ADAMTS3: variants seen among roughly 807,000 people sequenced by gnomAD.
ADAMTS3 encodes the protein A disintegrin and metalloproteinase with thrombospondin motifs 3.
In ADAMTS3, 73 loss-of-function variants were observed where a neutral mutation model predicts 129.0. The observed-to-expected ratio is 0.57, with a 90% CI of 0.47 to 0.69. The LOEUF (loss-of-function observed/expected upper bound fraction) is 0.69. Among genes scored for constraint, ADAMTS3 ranks in the 30% least tolerant of loss-of-function variants. ADAMTS3 has a pLI of 0.00. For missense variants in ADAMTS3, 1,457 were observed against 1,514.5 expected (o/e 0.96, Z 0.63); for synonymous variants, 477 against 510.8 (o/e 0.93, Z 0.89).
At chr4:72,515,405 C>T (rs1258910523) in intron 3 of ADAMTS3, among the ~76,000 whole-genome samples, 8 of 151,886 alleles carry the variant, frequency 5.3e-5, no homozygotes, top group African/African-American at 1.7e-4. Flanking sequence ...CTTGAGGAAT[C>T]GCCACACTGA....
rs1719467442 is a variant in ADAMTS3, at chr4:72,318,722, T to C, written c.1353-18A>G. 5.0e-6 allele frequency: 8 copies of C among 1,607,312 alleles called. No individual in the cohort carries two copies. Among genetic ancestry groups the C allele is most frequent in the South Asian group, 1.1e-5 (1 of 89,710 alleles). ...CATAGGAACTGTAGGAAGAAAAATA[T>C]TGCATGTAGTTAAATGTTCACTTAA... On this transcript the variant is annotated intron_variant, in intron 9 of 21. Transcript: ENST00000286657.
At chr4:72,373,120 C>T (rs553720372) in intron 4 of ADAMTS3, among the ~76,000 whole-genome samples, 18 of 152,146 alleles carry the variant, frequency 1.2e-4, no homozygotes, top group Non-Finnish European at 2.2e-4. Flanking sequence ...TACATGGAAA[C>T]GGAAAGGTCA....
At chr4:72,425,084 T>G (rs1017350384) in intron 3 of ADAMTS3, among the ~76,000 whole-genome samples, 2 of 152,176 alleles carry the variant, frequency 1.3e-5, no homozygotes, top group African/African-American at 4.8e-5. Flanking sequence ...CAAGAAAGCA[T>G]ATTCTTCCAG....
rs146282481 is a variant in ADAMTS3 at position 72,542,623 on chromosome 4, C to G, written c.504+5855G>C. On this transcript the variant is annotated intron_variant, in intron 3 of 21. Coordinates refer to ENST00000286657, the MANE Select transcript of ADAMTS3 (RefSeq NM_014243.3). ...ATAGTTTTTCTGATTTTCCTAATGACTGTGACTACATGTATAAATAAATGA... is the reference window on the plus strand; with the variant it reads ...ATAGTTTTTCTGATTTTCCTAATGAGTGTGACTACATGTATAAATAAATGA... Among the ~76,000 whole-genome samples the G allele has an allele frequency of 1.7e-3, 264 of 152,304 alleles. 1 individual carries two copies. The highest frequency in any genetic ancestry group is 5.4e-3 in the African/African-American group (226 of 41,558).
At chr4:72,462,783 TGC>T in intron 3 of ADAMTS3, among the ~76,000 whole-genome samples, 1 of 151,916 alleles carries the variant, frequency 6.6e-6, no homozygotes, top group East Asian at 1.9e-4. Context: ...AGTTATACAA[TGC>T]GTTTGGGTTA....
chr4:72,315,016 C>T (rs1242411607), intron 11 of ADAMTS3, among the ~76,000 whole-genome samples: 2 of 152,146 alleles, frequency 1.3e-5, no homozygotes, highest in Non-Finnish European at 2.9e-5. Flanking sequence ...GGCACTCAGC[C>T]AATTTCTGAG....
chr4:72,520,381 G>A (rs962606977), intron 3 of ADAMTS3, among the ~76,000 whole-genome samples: 3 of 152,180 alleles, frequency 2.0e-5, no homozygotes, highest in African/African-American at 7.2e-5. Flanking sequence ...CTGTCAGACA[G>A]GGACATTTAA....
chr4:72,336,644 G>A (rs576659050), intron 5 of ADAMTS3, among the ~76,000 whole-genome samples: 1 of 152,224 alleles, frequency 6.6e-6, no homozygotes, highest in African/African-American at 2.4e-5. Flanking sequence ...CTGACTCCAG[G>A]GGGAAAACCT....
At chr4:72,565,594 G>T (rs938940) in intron 2 of ADAMTS3, among the ~76,000 whole-genome samples, 146,288 of 152,178 alleles carry the variant, frequency 0.96, 70,586 homozygotes, top group East Asian at 1. Context: ...TCATTCAACT[G>T]GAAAACGATA....
In ADAMTS3 at chr4:72,391,238, G is replaced by A. The variant is rs555815105; in HGVS notation, c.661+23577C>T. On this transcript the variant is annotated intron_variant, in intron 4 of 21. Transcript: ENST00000286657. The stretch of plus-strand genomic sequence containing the variant: ...GTAATTTGTGTATATTGTATATTAC[G>A]TGTATATTTTCACTTCTAAAATACT... 5.3e-5 allele frequency among the ~76,000 whole-genome samples: 8 copies of A among 152,296 alleles called. 1 individual carries two copies. In the South Asian group the frequency reaches 8.3e-4, roughly 16 times the overall value.
intron 3 of ADAMTS3, among the ~76,000 whole-genome samples, chr4:72,494,111 T>C (rs898292724): frequency 6.6e-6 from 1 of 152,194 alleles, no homozygotes; most frequent in Admixed American, 6.5e-5. Flanking sequence ...AGAATGTCAA[T>C]TTCCCGCTCA....
chr4:72,400,205 CACACATGGTGTGT>C (rs1560501700), intron 4 of ADAMTS3, among the ~76,000 whole-genome samples: 2 of 125,288 alleles, frequency 1.6e-5, no homozygotes, highest in Non-Finnish European at 1.7e-5. Flanking sequence ...TGTATATATG[CACACATGGTGTGT>C]ATGTATATGT....
intron 3 of ADAMTS3, among the ~76,000 whole-genome samples, chr4:72,511,055 G>A (rs944687299): frequency 2.0e-5 from 3 of 152,042 alleles, no homozygotes; most frequent in African/African-American, 7.2e-5. Flanking sequence ...AAATGGTGCT[G>A]GGAAAACTGA....
At chr4:72,327,931 T>C (rs1445620237) in intron 5 of ADAMTS3, among the ~76,000 whole-genome samples, 1 of 152,094 alleles carries the variant, frequency 6.6e-6, no homozygotes, top group African/African-American at 2.4e-5. Context: ...CCAGAAAATA[T>C]TGAGAAGAAA....
chr4:72,394,792 T>C (rs924296504), intron 4 of ADAMTS3, among the ~76,000 whole-genome samples: 4 of 152,258 alleles, frequency 2.6e-5, no homozygotes, highest in African/African-American at 7.2e-5. Context: ...CCAAAAGTTA[T>C]GCTTTTGAAA....
chr4:72,478,372 G>A (rs1361982596), intron 3 of ADAMTS3, among the ~76,000 whole-genome samples: 2 of 150,012 alleles, frequency 1.3e-5, no homozygotes, highest in Non-Finnish European at 3.0e-5. Flanking sequence ...TCCCTGGGAT[G>A]CAAGGCTGGT....
intron 5 of ADAMTS3, among the ~76,000 whole-genome samples, chr4:72,324,517 G>C (rs1719649950): frequency 6.6e-6 from 1 of 152,104 alleles, no homozygotes; most frequent in Admixed American, 6.6e-5. Context: ...AAGATGTGAA[G>C]TCCTTTTAAG....
chr4:72,403,722 TA>T (rs138037701), intron 4 of ADAMTS3, among the ~76,000 whole-genome samples: 6,796 of 152,100 alleles, frequency 0.045, 174 homozygotes, highest in Non-Finnish European at 0.052. Context: ...AACTTAGAGA[TA>T]AAAAAATTTT....
rs554932802 is a variant in ADAMTS3 at position 72,521,681 on chromosome 4, T to C, written c.504+26797A>G. 1.2e-4 allele frequency among the ~76,000 whole-genome samples: 19 copies of C among 152,184 alleles called. No individual in the cohort carries two copies. In the South Asian group the frequency reaches 1.5e-3, roughly 12 times the overall value. On this transcript the variant is annotated intron_variant, in intron 3 of 21. Transcript: ENST00000286657. ...ATATTATACATAAAAGTACCCCAAA[T>C]AGTGTACATTACCTCCAGCTTATGT... is the stretch of plus-strand genomic sequence containing the variant.
Sources: allele counts gnomAD v4.1 joint callset (sites outside exome capture counted in the v4.1 genomes callset), GRCh38; gene constraint gnomAD v4.1.1; transcripts MANE v1.5; gene names NCBI Gene and HGNC (gene_info 2026-07-23, HGNC 2026-07-21).